The following KIF26B variants were observed in gnomAD, a reference collection of about 807,000 sequenced individuals.
KIF26B encodes kinesin family member 26B, also known as kinesin-like protein KIF26B.
KIF26B carries 63 observed loss-of-function variants against 151.2 expected under a neutral mutation model. That is an observed-to-expected ratio of 0.42 (90% CI 0.34 to 0.51). KIF26B has a LOEUF of 0.51. Ranked by LOEUF, KIF26B falls within the 20% of genes least tolerant of loss-of-function variation. KIF26B has a pLI of 0.07. For synonymous variants in KIF26B, 1,357 were observed against 1,262.1 expected (o/e 1.08, Z -1.59); for missense variants, 2,813 against 2,913.6 (o/e 0.97, Z 0.79).
intron 10 of KIF26B, among the ~76,000 whole-genome samples, chr1:245,657,411 T>G (rs964703944): frequency 7.2e-5 from 11 of 152,338 alleles, no homozygotes; most frequent in African/African-American, 2.6e-4. Flanking sequence ...ACCTGCCATA[T>G]CCACTGTTTC....
intron 3 of KIF26B, among the ~76,000 whole-genome samples, chr1:245,407,562 T>C (rs748235117): frequency 1.5e-4 from 23 of 152,192 alleles, no homozygotes; most frequent in Non-Finnish European, 2.6e-4. Flanking sequence ...TATTGAATTA[T>C]GTATAAGCCG....
chr1:245,558,858 G>A (rs971926190), intron 5 of KIF26B, among the ~76,000 whole-genome samples: 1 of 152,226 alleles, frequency 6.6e-6, no homozygotes, highest in East Asian at 1.9e-4. Flanking sequence ...GTGGTGAAAA[G>A]ATGGGGAGAG....
intron 3 of KIF26B, among the ~76,000 whole-genome samples, chr1:245,415,317 G>A (rs557767008): frequency 2.6e-5 from 4 of 152,248 alleles, no homozygotes; most frequent in Admixed American, 2.0e-4. Context: ...ATCTCATGTA[G>A]TAGGTCATTA....
intron 2 of KIF26B, among the ~76,000 whole-genome samples, chr1:245,234,864 G>A (rs1357423111): frequency 6.6e-6 from 1 of 152,168 alleles, no homozygotes; most frequent in Non-Finnish European, 1.5e-5. Context: ...AAAAGGACTT[G>A]CCCTCCGCCA....
rs532827413 is a variant in KIF26B at position 245,698,060 on chromosome 1, T to A, written c.5825-46T>A. The A allele has an allele frequency of 6.5e-7, 1 of 1,549,600 alleles. No homozygotes were observed. Among genetic ancestry groups the A allele is most frequent in the East Asian group, 2.3e-5 (1 of 42,992 alleles). ...CTGTCTCAAAAAAACAACAAAAAAATTGAAATTCAGAAAGACTAACTCTCT... is the reference window on the plus strand; with the variant it reads ...CTGTCTCAAAAAAACAACAAAAAAAATGAAATTCAGAAAGACTAACTCTCT... On this transcript the variant is annotated intron_variant, in intron 12 of 14. Coordinates refer to ENST00000407071, the MANE Select transcript of KIF26B (RefSeq NM_018012.4). This position sits in a 1 kb window ranked among gnomAD's most constrained non-coding sequence, Gnocchi z 4.0.
At chr1:245,261,647 T>C (rs1297133881) in intron 2 of KIF26B, among the ~76,000 whole-genome samples, 1 of 151,826 alleles carries the variant, frequency 6.6e-6, no homozygotes, top group Non-Finnish European at 1.5e-5. Context: ...TGCAATGGCG[T>C]GATCATAGCT....
intron 10 of KIF26B, among the ~76,000 whole-genome samples, chr1:245,651,813 A>T (rs2044019155): frequency 1.3e-5 from 2 of 152,114 alleles, no homozygotes; most frequent in Non-Finnish European, 2.9e-5. Flanking sequence ...TCTGAGGTGG[A>T]GCAGTCTCAT....
At chr1:245,251,489 A>C (rs1670444670) in intron 2 of KIF26B, among the ~76,000 whole-genome samples, 1 of 152,214 alleles carries the variant, frequency 6.6e-6, no homozygotes, top group Admixed American at 6.5e-5. Context: ...CATGCAAAAA[A>C]ATCCTTGCCT....
At chr1:245,414,618 G>A (rs1293866916) in intron 3 of KIF26B, among the ~76,000 whole-genome samples, 2 of 152,216 alleles carry the variant, frequency 1.3e-5, no homozygotes, top group Admixed American at 6.5e-5. Flanking sequence ...CTGAGAAAGG[G>A]AATATGGAGT....
At chr1:245,618,009 T>A (rs2043611683) in intron 9 of KIF26B, among the ~76,000 whole-genome samples, 1 of 152,116 alleles carries the variant, frequency 6.6e-6, no homozygotes, top group Non-Finnish European at 1.5e-5. Flanking sequence ...CAGTGGTCTT[T>A]TCATGCTTAT....
intron 2 of KIF26B, among the ~76,000 whole-genome samples, chr1:245,309,578 A>G (rs35606116): frequency 0.055 from 8,402 of 151,834 alleles, 295 homozygotes; most frequent in Middle Eastern, 0.092. Flanking sequence ...CAGCTGGCCA[A>G]CTGCAGATCT....
chr1:245,392,361 C>T (rs1376810538), intron 3 of KIF26B, among the ~76,000 whole-genome samples: 1 of 152,140 alleles, frequency 6.6e-6, no homozygotes, highest in Non-Finnish European at 1.5e-5. Flanking sequence ...ACTCTGAGTA[C>T]ATAGAGGCTG....
intron 4 of KIF26B, among the ~76,000 whole-genome samples, chr1:245,501,112 G>C (rs113838689): frequency 2.0e-5 from 3 of 152,272 alleles, no homozygotes; most frequent in African/African-American, 7.2e-5. Flanking sequence ...CCATTTCGTG[G>C]ACAGAACAGT....
At chr1:245,595,757 T>C (rs1166879791) in intron 5 of KIF26B, among the ~76,000 whole-genome samples, 1 of 152,148 alleles carries the variant, frequency 6.6e-6, no homozygotes, top group East Asian at 1.9e-4. Flanking sequence ...TCTTTGTACC[T>C]CTGGTAGAAT....
chr1:245,617,318 G>A (rs570235613), intron 9 of KIF26B, among the ~76,000 whole-genome samples: 1 of 152,272 alleles, frequency 6.6e-6, no homozygotes, highest in African/African-American at 2.4e-5. Context: ...CGCTGGTCTC[G>A]AACTCCTGAC....
intron 3 of KIF26B, among the ~76,000 whole-genome samples, chr1:245,370,863 A>G (rs1673102608): frequency 6.6e-6 from 1 of 152,192 alleles, no homozygotes; most frequent in African/African-American, 2.4e-5. Flanking sequence ...TTAATCTCTA[A>G]CCAAGTACCA....
At chr1:245,615,149 T>G (rs986123580) in intron 9 of KIF26B, 1 of 152,168 alleles carries the variant, frequency 6.6e-6, no homozygotes, top group African/African-American at 2.4e-5. Context: ...TGACAAATGT[T>G]TAGTTTATTC....
intron 10 of KIF26B, among the ~76,000 whole-genome samples, chr1:245,670,152 T>A (rs779680158): frequency 1.3e-5 from 2 of 150,974 alleles, no homozygotes; most frequent in Non-Finnish European, 2.9e-5. Context: ...ATATAAACAT[T>A]CAGTAACATT....
intron 2 of KIF26B, among the ~76,000 whole-genome samples, chr1:245,255,380 GAGAAGTCTCTGAAC>G (rs1357125731): frequency 6.6e-6 from 1 of 152,204 alleles, no homozygotes; most frequent in Non-Finnish European, 1.5e-5. Flanking sequence ...TCCTTTGGAG[GAGAAGTCTCTGAAC>G]ATTCCTGTTG....
Sources: allele counts gnomAD v4.1 joint callset (sites outside exome capture counted in the v4.1 genomes callset), GRCh38; gene constraint gnomAD v4.1.1; non-coding constraint Gnocchi (gnomAD v3.1); transcripts MANE v1.5; gene names NCBI Gene and HGNC (gene_info 2026-07-23, HGNC 2026-07-21).